FBN1: variants seen among roughly 807,000 people sequenced by gnomAD.
The protein encoded by FBN1 is fibrillin-1.
Under a neutral mutation model 365.1 loss-of-function variants are expected in FBN1, and 29 were observed. The observed-to-expected ratio is 0.08, with a 90% CI of 0.06 to 0.11. FBN1 has a LOEUF of 0.11. Ranked by LOEUF, FBN1 falls within the 10% of genes least tolerant of loss-of-function variation. The probability of loss-of-function intolerance (pLI) is 1.00; values close to 1 mark genes in which losing one functional copy is unlikely to be tolerated. For missense variants in FBN1, 2,476 were observed against 3,703.2 expected (o/e 0.67, Z 8.60); for synonymous variants, 1,210 against 1,270.5 (o/e 0.95, Z 1.01).
intron 6 of FBN1, among the ~76,000 whole-genome samples, chr15:48,572,090 T>C (rs939055883): frequency 3.3e-5 from 5 of 152,208 alleles, no homozygotes; most frequent in African/African-American, 7.2e-5. Context: ...TAAACATTAA[T>C]AGCAGTCACT....
chr15:48,576,897 GA>G (rs967935866), intron 6 of FBN1, among the ~76,000 whole-genome samples: 2 of 152,160 alleles, frequency 1.3e-5, no homozygotes, highest in Admixed American at 1.3e-4. Context: ...GATCTTGGAG[GA>G]GGGGTCTCTG....
chr15:48,478,433 A>G (rs2043440191), intron 32 of FBN1, among the ~76,000 whole-genome samples: 1 of 152,194 alleles, frequency 6.6e-6, no homozygotes, highest in Non-Finnish European at 1.5e-5. Context: ...AAATCCCGCT[A>G]TTTTAACTGA....
intron 5 of FBN1, among the ~76,000 whole-genome samples, chr15:48,598,081 C>T (rs79569949): frequency 6.6e-6 from 1 of 152,316 alleles, no homozygotes; most frequent in East Asian, 1.9e-4. Flanking sequence ...TGTCCTCCTC[C>T]AGTTGCGCTT....
intron 48 of FBN1, 76 bp downstream of exon 48, chr15:48,445,300 T>C: frequency 3.9e-6 from 6 of 1,523,754 alleles, no homozygotes; most frequent in Non-Finnish European, 5.5e-6. Context: ...AAAGAAGCAT[T>C]AGAACAGAGA....
At chr15:48,510,227 T>C in intron 13 of FBN1, 58 bp from the exon 14 acceptor site, 1 of 1,564,088 alleles carries the variant, frequency 6.4e-7, no homozygotes. Context: ...AAAATTATTT[T>C]ATTTCCCCCT....
chr15:48,556,551 C>T (rs2044182336), intron 6 of FBN1, among the ~76,000 whole-genome samples: 1 of 152,212 alleles, frequency 6.6e-6, no homozygotes, highest in Non-Finnish European at 1.5e-5. Flanking sequence ...ATCTGAAATG[C>T]AGTTAGAAAT....
chr15:48,565,520 AC>A (rs1462996271), intron 6 of FBN1, among the ~76,000 whole-genome samples: 1 of 152,036 alleles, frequency 6.6e-6, no homozygotes, highest in Admixed American at 6.6e-5. Context: ...TGCCAAGCTG[AC>A]CCCATTATTA....
rs144822241 is a variant in FBN1, at chr15:48,437,793, G to A, written c.6288C>T (p.Cys2096=). 230 of 1,613,806 alleles carry A rather than the reference G, an allele frequency of 1.4e-4. No homozygotes were observed. The highest frequency in any genetic ancestry group is 2.3e-4 in the African/African-American group (17 of 75,032). Residue 2096 remains cysteine (C), a synonymous_variant, in exon 51 of 66, where the codon TGC becomes TGT. Coordinates refer to ENST00000316623, the MANE Select transcript of FBN1 (RefSeq NM_000138.5). ...ALKGEGWGDP[C]ELCPTEPDEA... is the part of the protein sequence containing the mutation. ...CATCAGGTTCCGTGGGGCAGAGCTC[G>A]CAGGGGTCTCCCCAGCCTTCTCCCT...
At chr15:48,490,120 C>T (rs777333398) in intron 24 of FBN1, 42 bp from the exon 25 acceptor site, 1 of 1,544,570 alleles carries the variant, frequency 6.5e-7, no homozygotes, top group Non-Finnish European at 8.9e-7. Context: ...AGCCACACGG[C>T]TTCCACTGCC....
intron 47 of FBN1, among the ~76,000 whole-genome samples, chr15:48,446,151 A>T (rs1337939242): frequency 6.6e-6 from 1 of 152,208 alleles, no homozygotes; most frequent in Non-Finnish European, 1.5e-5. Flanking sequence ...TATAGCTGCT[A>T]ATAAGCATTT....
intron 6 of FBN1, among the ~76,000 whole-genome samples, chr15:48,563,062 A>G (rs1002242235): frequency 2.0e-5 from 3 of 152,176 alleles, no homozygotes; most frequent in Admixed American, 6.5e-5. Context: ...CAGTGAATGA[A>G]TGAACAGATG....
intron 58 of FBN1, among the ~76,000 whole-genome samples, chr15:48,426,923 C>T (rs1204545171): frequency 1.3e-5 from 2 of 152,136 alleles, no homozygotes; most frequent in African/African-American, 4.8e-5. Context: ...CTCCTTCTTC[C>T]CCTTTCACTT....
intron 6 of FBN1, among the ~76,000 whole-genome samples, chr15:48,585,179 A>ACAC (rs2140693719): frequency 1.3e-5 from 2 of 152,232 alleles, no homozygotes; most frequent in East Asian, 3.8e-4. Flanking sequence ...AGTGCCTACA[A>ACAC]TGGTAAAGGT....
intron 6 of FBN1, among the ~76,000 whole-genome samples, chr15:48,590,391 TTTCCA>T (rs2140702689): frequency 6.6e-6 from 1 of 152,366 alleles, no homozygotes; most frequent in East Asian, 1.9e-4. Context: ...ATGTTAGTCC[TTTCCA>T]TTCACTAGAC....
chr15:48,501,975 G>A (rs779937922), intron 17 of FBN1, among the ~76,000 whole-genome samples: 59 of 152,126 alleles, frequency 3.9e-4, no homozygotes, highest in Non-Finnish European at 6.6e-4. Context: ...ATTATTCACC[G>A]GGTGAAGTCA....
chr15:48,572,429 A>T (rs2044313423), intron 6 of FBN1, among the ~76,000 whole-genome samples: 1 of 152,068 alleles, frequency 6.6e-6, no homozygotes, highest in African/African-American at 2.4e-5. Flanking sequence ...TTAAAATTAG[A>T]TTTTCCAAGA....
intron 53 of FBN1, among the ~76,000 whole-genome samples, chr15:48,435,762 ATATGTGTATATGTG>A (rs1566895654): frequency 2.8e-4 from 16 of 57,872 alleles, no homozygotes; most frequent in African/African-American, 8.3e-4. Context: ...GTGTGTATAT[ATATGTGTATATGTG>A]TGTGTGTGTG....
chr15:48,536,142 A>C (rs188148471), intron 7 of FBN1, among the ~76,000 whole-genome samples: 143 of 152,098 alleles, frequency 9.4e-4, no homozygotes, highest in African/African-American at 3.0e-3. Context: ...CAACAACAAC[A>C]ACCAAACATG....
intron 6 of FBN1, among the ~76,000 whole-genome samples, chr15:48,546,531 G>A (rs2044094848): frequency 6.6e-6 from 1 of 152,196 alleles, no homozygotes; most frequent in Admixed American, 6.5e-5. Context: ...TGTGACCAGA[G>A]CTTTGAGTGC....
Sources: gnomAD v4.1 joint callset for allele counts (sites outside exome capture counted in the v4.1 genomes callset) on GRCh38, gnomAD v4.1.1 for gene constraint, MANE v1.5 for transcripts, NCBI Gene and HGNC (gene_info 2026-07-23, HGNC 2026-07-21) for gene names.